PLCH1: variants seen among roughly 807,000 people sequenced by gnomAD.
The protein encoded by PLCH1 is phospholipase C eta 1, also known as 1-phosphatidylinositol 4,5-bisphosphate phosphodiesterase eta-1.
A neutral mutation model predicts 126.7 loss-of-function variants in PLCH1; 60 were observed. That is an observed-to-expected ratio of 0.47 (90% CI 0.38 to 0.59). PLCH1 has a LOEUF of 0.59. Among genes scored for constraint, PLCH1 ranks in the 20% least tolerant of loss-of-function variants. PLCH1 has a pLI of 0.00. For missense variants in PLCH1, 1,723 were observed against 2,040.0 expected (o/e 0.84, Z 2.99); for synonymous variants, 719 against 734.9 (o/e 0.98, Z 0.35).
chr3:155,551,418 A>G (rs1726097022), intron 9 of PLCH1, among the ~76,000 whole-genome samples: 2 of 127,446 alleles, frequency 1.6e-5, no homozygotes, highest in South Asian at 5.5e-4. Context: ...GCACTCCAGC[A>G]TGGGCGACAG....
chr3:155,578,759 T>C (rs1560194162), intron 6 of PLCH1, among the ~76,000 whole-genome samples: 3 of 152,206 alleles, frequency 2.0e-5, no homozygotes, highest in Non-Finnish European at 4.4e-5. Context: ...TAGTACACGG[T>C]ATCCTAAAAT....
intron 2 of PLCH1, among the ~76,000 whole-genome samples, chr3:155,651,342 G>A (rs1248587068): frequency 6.6e-6 from 1 of 152,086 alleles, no homozygotes; most frequent in Non-Finnish European, 1.5e-5. Context: ...GTACAGTCAT[G>A]GTATTATATT....
At chr3:155,578,051 A>G (rs554433830) in intron 6 of PLCH1, among the ~76,000 whole-genome samples, 2 of 152,192 alleles carry the variant, frequency 1.3e-5, no homozygotes, top group Non-Finnish European at 2.9e-5. Flanking sequence ...TAAAGCTTGC[A>G]GTGTGTGGAA....
At chr3:155,622,239 C>T (rs1420835922) in intron 2 of PLCH1, among the ~76,000 whole-genome samples, 2 of 152,178 alleles carry the variant, frequency 1.3e-5, no homozygotes, top group Non-Finnish European at 2.9e-5. Context: ...CCAGGCCTGT[C>T]TTACAAGAGC....
At chr3:155,676,839 T>TAA (rs1366092235) in intron 2 of PLCH1, among the ~76,000 whole-genome samples, 80 of 149,850 alleles carry the variant, frequency 5.3e-4, no homozygotes, top group African/African-American at 2.0e-3. Context: ...TTTCTCATGT[T>TAA]TAAAAAAAAA....
chr3:155,501,065 T>A (rs1022562401), intron 13 of PLCH1, among the ~76,000 whole-genome samples: 10 of 152,214 alleles, frequency 6.6e-5, no homozygotes, highest in Admixed American at 1.3e-4. Context: ...ACTTTATTAG[T>A]CATGCATTTT....
chr3:155,744,559 A>G lies in PLCH1; in HGVS notation c.-41+281T>C, dbSNP rs376046660. 1.1e-4 allele frequency among the ~76,000 whole-genome samples: 16 copies of G among 152,242 alleles called. No homozygotes were observed. The East Asian group carries it at 2.7e-3, about 26-fold the overall frequency. On this transcript the variant is annotated intron_variant, in intron 1 of 22. Transcript: ENST00000460012. The stretch of plus-strand genomic sequence containing the variant: ...GCGAAACGCCACCCACCACCACCGC[A>G]AGGGACCCGAGAGTTACATTATTTC...
At chr3:155,734,999 G>A (rs758637211) in intron 1 of PLCH1, among the ~76,000 whole-genome samples, 16 of 152,040 alleles carry the variant, frequency 1.1e-4, no homozygotes, top group African/African-American at 2.2e-4. Context: ...GTGAGCCACC[G>A]CGCCCAGCCT....
intron 1 of PLCH1, among the ~76,000 whole-genome samples, chr3:155,728,838 T>A (rs1166408713): frequency 6.6e-6 from 1 of 152,232 alleles, no homozygotes; most frequent in East Asian, 1.9e-4. Flanking sequence ...TCTAAAGGAA[T>A]GAATATTTGG....
chr3:155,475,611 T>G (rs1172728333), downstream of PLCH1, among the ~76,000 whole-genome samples: 1 of 151,818 alleles, frequency 6.6e-6, no homozygotes, highest in African/African-American at 2.4e-5. Context: ...ATAAATAAAA[T>G]GAGAAATGAA....
At chr3:155,542,830 G>C (rs1247728651) in intron 10 of PLCH1, among the ~76,000 whole-genome samples, 1 of 152,156 alleles carries the variant, frequency 6.6e-6, no homozygotes, top group South Asian at 2.1e-4. Context: ...TGAGGGTCCT[G>C]TCTGTTAGAA....
Position 155,523,979 on chromosome 3 carries a change from C to T in PLCH1, c.1388G>A (p.Gly463Glu), listed in dbSNP as rs1374765122. The T allele has an allele frequency of 1.2e-6, 2 of 1,605,518 alleles. No individual in the cohort carries two copies. The highest frequency in any genetic ancestry group is 1.6e-4 in the Middle Eastern group (1 of 6,078). ...AACTTCCCCTTCCTCTGCATCATCC[C>T]CAAGGTGATAAGGCAACTTCTTACC... ...VKGKKLPYHL[G>E]DDAEEGEVSD... is the part of the protein sequence containing the mutation. The change falls in exon 11 of 23, where the codon GGG becomes GAG. Residue 463 changes from glycine (G) to glutamate (E), a missense_variant. Around this residue, in one of 2 missense-constraint regions of PLCH1, gnomAD observed 776 missense variants for 1,062.9 expected, o/e 0.73. Transcript: ENST00000460012.
At chr3:155,454,835 C>A (rs556845649) in intron 21 of PLCH1, among the ~76,000 whole-genome samples, 1 of 152,152 alleles carries the variant, frequency 6.6e-6, no homozygotes, top group African/African-American at 2.4e-5. Context: ...CAAGGTAACT[C>A]GACATTTTGT....
chr3:155,505,088 C>T (rs903057143), intron 12 of PLCH1, among the ~76,000 whole-genome samples: 1 of 152,194 alleles, frequency 6.6e-6, no homozygotes, highest in African/African-American at 2.4e-5. Flanking sequence ...ATCACATTGA[C>T]TAAACAGTGC....
chr3:155,691,721 A>T (rs546582492), intron 2 of PLCH1, among the ~76,000 whole-genome samples: 83 of 152,330 alleles, frequency 5.4e-4, no homozygotes, highest in African/African-American at 1.9e-3. Context: ...ATATACTCCA[A>T]ATGATGGCAT....
chr3:155,703,641 T>A (rs1746434417), intron 2 of PLCH1, among the ~76,000 whole-genome samples: 1 of 152,194 alleles, frequency 6.6e-6, no homozygotes, highest in South Asian at 2.1e-4. Flanking sequence ...ATATGGGACA[T>A]AATATATAGA....
chr3:155,499,952 C>A (rs950562466), intron 14 of PLCH1, among the ~76,000 whole-genome samples: 1 of 152,076 alleles, frequency 6.6e-6, no homozygotes, highest in Admixed American at 6.6e-5. Context: ...AAGTTTTATT[C>A]CTACAGGGCT....
chr3:155,636,750 A>C (rs1168655250), intron 2 of PLCH1, among the ~76,000 whole-genome samples: 1 of 151,988 alleles, frequency 6.6e-6, no homozygotes, highest in African/African-American at 2.4e-5. Flanking sequence ...CCATCTCAAA[A>C]AAAAAAAAAT....
Position 155,500,782 on chromosome 3 carries a change from A to G in PLCH1, c.1717T>C (p.Ser573Pro). The change falls in exon 14 of 23, where the codon TCA becomes CCA. Residue 573 changes from serine (S) to proline (P), a missense_variant. Around this residue, in one of 2 missense-constraint regions of PLCH1, gnomAD observed 776 missense variants for 1,062.9 expected, o/e 0.73. Transcript: ENST00000460012. ...NFGKHKKTTK[S>P]RSKSYSTDDE... ...TCAGTACTGTAAGATTTAGACCGTG[A>G]TTTTGTAGTTTTCTGCCAGAAAAAT... 1 of 1,611,596 alleles carries G rather than the reference A, an allele frequency of 6.2e-7. No homozygotes were observed. Among genetic ancestry groups the G allele is most frequent in the Non-Finnish European group, 8.5e-7 (1 of 1,177,884 alleles).
Sources: gnomAD v4.1 joint callset for allele counts (sites outside exome capture counted in the v4.1 genomes callset) on GRCh38, gnomAD v4.1.1 for gene constraint, gnomAD v4.1.1 regional missense constraint, MANE v1.5 for transcripts, NCBI Gene and HGNC (gene_info 2026-07-23, HGNC 2026-07-21) for gene names.